Variants in AUTS2 observed in about 807,000 individuals in gnomAD.
AUTS2 encodes autism susceptibility gene 2 protein.
AUTS2 carries 17 observed loss-of-function variants against 112.4 expected under a neutral mutation model. The observed-to-expected ratio is 0.15, with a 90% CI of 0.10 to 0.23. The LOEUF is 0.23. Ranked by LOEUF, AUTS2 falls within the 10% of genes least tolerant of loss-of-function variation. The pLI is 1.00. For synonymous variants in AUTS2, 751 were observed against 702.7 expected (o/e 1.07, Z -1.09); for missense variants, 1,510 against 1,701.6 (o/e 0.89, Z 1.98).
intron 1 of AUTS2, among the ~76,000 whole-genome samples, chr7:69,659,773 T>C (rs1676473753): frequency 6.6e-6 from 1 of 152,064 alleles, no homozygotes; most frequent in African/African-American, 2.4e-5. Context: ...TTTCATCGTT[T>C]GGTGCATAAA....
At chr7:69,770,549 GCATGTAGAGTGAGCTACATGA>G (rs978430637) in intron 1 of AUTS2, among the ~76,000 whole-genome samples, 22 of 152,224 alleles carry the variant, frequency 1.4e-4, no homozygotes, top group South Asian at 2.1e-4. Flanking sequence ...GAGCTACATG[GCATGTAGAGTGAGCTACATGA>G]CATGTAGAGT....
At chr7:70,224,309 TAATACAATACAATACAGTACAGTAC>T (rs1811639066) in intron 4 of AUTS2, among the ~76,000 whole-genome samples, 2 of 150,328 alleles carry the variant, frequency 1.3e-5, no homozygotes, top group Non-Finnish European at 3.0e-5. Flanking sequence ...TCTCAAAGTA[TAATACAATACAATACAGTACAGTAC>T]AATACAATAC....
At chr7:69,890,288 A>AT (rs1477915600) in intron 1 of AUTS2, among the ~76,000 whole-genome samples, 2 of 152,286 alleles carry the variant, frequency 1.3e-5, no homozygotes, top group East Asian at 3.9e-4. Context: ...TCGTGACCTC[A>AT]TCCCACAGCT....
At chr7:70,343,478 T>C (rs1791362146) in intron 4 of AUTS2, among the ~76,000 whole-genome samples, 2 of 152,318 alleles carry the variant, frequency 1.3e-5, no homozygotes, top group South Asian at 4.1e-4. Flanking sequence ...AACGCATGGA[T>C]GGAAAGACAC....
intron 2 of AUTS2, among the ~76,000 whole-genome samples, chr7:70,051,471 G>C (rs185597967): frequency 6.6e-6 from 1 of 152,110 alleles, no homozygotes; most frequent in South Asian, 2.1e-4. Context: ...AATCCCTGCA[G>C]TTTGGGAGGC....
At chr7:69,952,853 A>G (rs374371183) in intron 2 of AUTS2, among the ~76,000 whole-genome samples, 1 of 152,214 alleles carries the variant, frequency 6.6e-6, no homozygotes, top group East Asian at 1.9e-4. Context: ...TAACACAAAA[A>G]TGAAAGAAAT....
intron 5 of AUTS2, among the ~76,000 whole-genome samples, chr7:70,528,651 C>T (rs994305980): frequency 2.0e-5 from 3 of 152,030 alleles, no homozygotes; most frequent in African/African-American, 7.3e-5. Flanking sequence ...GTGGCACACG[C>T]CTCTAGTCCC....
chr7:70,055,216 C>G (rs565930097), intron 2 of AUTS2, among the ~76,000 whole-genome samples: 1 of 152,222 alleles, frequency 6.6e-6, no homozygotes, highest in African/African-American at 2.4e-5. Context: ...GGGTGGATCA[C>G]CTGAGGTTGG....
intron 5 of AUTS2, among the ~76,000 whole-genome samples, chr7:70,557,229 C>T (rs1269879663): frequency 3.3e-5 from 5 of 152,148 alleles, no homozygotes; most frequent in South Asian, 2.1e-4. Flanking sequence ...CTGAACCTGC[C>T]GGATGCACAA....
intron 1 of AUTS2, among the ~76,000 whole-genome samples, chr7:69,874,226 C>CA (rs11440208): frequency 0.25 from 37,639 of 149,528 alleles, 4,645 homozygotes; most frequent in Middle Eastern, 0.34. Flanking sequence ...GACCGTGTGT[C>CA]AAAAAAAAAG....
intron 2 of AUTS2, among the ~76,000 whole-genome samples, chr7:69,935,170 T>A (rs1303337134): frequency 7.8e-6 from 1 of 128,848 alleles, no homozygotes; most frequent in Admixed American, 7.3e-5. Context: ...TATAAAGGAC[T>A]CTGGGAAAAA....
At chr7:70,307,653 A>G (rs1358749219) in intron 4 of AUTS2, among the ~76,000 whole-genome samples, 1 of 152,192 alleles carries the variant, frequency 6.6e-6, no homozygotes, top group Non-Finnish European at 1.5e-5. Context: ...TGCCTTGGCC[A>G]AGATCACCAA....
chr7:70,095,077 T>A (rs1804119406), intron 2 of AUTS2, among the ~76,000 whole-genome samples: 1 of 152,090 alleles, frequency 6.6e-6, no homozygotes, highest in Non-Finnish European at 1.5e-5. Context: ...ACCTGAAACG[T>A]GAACTGAAAA....
chr7:69,647,706 A>G (rs1795093110), intron 1 of AUTS2, among the ~76,000 whole-genome samples: 4 of 152,236 alleles, frequency 2.6e-5, no homozygotes, highest in Admixed American at 2.0e-4. Context: ...CAAGGCTGCC[A>G]TAACAAAGTA....
At chr7:69,817,057 T>A (rs1048006644) in intron 1 of AUTS2, among the ~76,000 whole-genome samples, 1 of 152,194 alleles carries the variant, frequency 6.6e-6, no homozygotes, top group Non-Finnish European at 1.5e-5. Flanking sequence ...CTTTAAACAG[T>A]GCTCTGGACA....
chr7:70,663,991 G>A (rs767906518), intron 5 of AUTS2, among the ~76,000 whole-genome samples: 2 of 152,148 alleles, frequency 1.3e-5, no homozygotes, highest in Non-Finnish European at 2.9e-5. Flanking sequence ...GGCCATAGTT[G>A]TTTTCTGACT....
Position 70,783,114 on chromosome 7 carries a change from C to G in AUTS2, c.2146+1358C>G, listed in dbSNP as rs57124363. ...ATAATTCTGGAACTGCAAGGCACCC[C>G]TGGGGGCCCTGGGCTCAGCAAAGCT... On this transcript the variant is annotated intron_variant, in intron 15 of 18. Coordinates refer to ENST00000342771, the MANE Select transcript of AUTS2 (RefSeq NM_015570.4). 4.4e-3 allele frequency: 669 copies of G among 152,320 alleles called. 4 individuals are homozygous for G. The highest frequency in any genetic ancestry group is 0.016 in the African/African-American group (651 of 41,562). 9.4% of individuals were successfully genotyped at this position (152,320 alleles called of 1,614,324 possible). A position where few individuals can be genotyped will look rare whatever the true frequency, so the allele number is the denominator to read the frequency against.
chr7:69,698,364 C>T (rs1033006257), intron 1 of AUTS2, among the ~76,000 whole-genome samples: 6 of 152,116 alleles, frequency 3.9e-5, no homozygotes, highest in African/African-American at 1.4e-4. Flanking sequence ...TTATTTGCTA[C>T]TTATTGATCT....
chr7:69,804,377 C>A (rs1206103143), intron 1 of AUTS2, among the ~76,000 whole-genome samples: 1 of 152,172 alleles, frequency 6.6e-6, no homozygotes, highest in East Asian at 1.9e-4. Flanking sequence ...ACTTCTCATA[C>A]CTTTGATGTT....
Sources: gnomAD v4.1 joint callset for allele counts (sites outside exome capture counted in the v4.1 genomes callset) on GRCh38, gnomAD v4.1.1 for gene constraint, MANE v1.5 for transcripts, NCBI Gene and HGNC (gene_info 2026-07-23, HGNC 2026-07-21) for gene names.